The following GPC6 variants were observed in gnomAD, a reference collection of about 807,000 sequenced individuals.
GPC6 encodes glypican 6.
In GPC6, 14 loss-of-function variants were observed where a neutral mutation model predicts 55.2. That is an observed-to-expected ratio of 0.25 (90% CI 0.17 to 0.40). The LOEUF (loss-of-function observed/expected upper bound fraction) is 0.40, where lower values mean the gene tolerates loss of function less well. Among genes scored for constraint, GPC6 ranks in the 10% least tolerant of loss-of-function variants. The probability of loss-of-function intolerance (pLI) is 1.00; values close to 1 mark genes in which losing one functional copy is unlikely to be tolerated. For synonymous variants in GPC6, 278 were observed against 259.6 expected (o/e 1.07, Z -0.68); for missense variants, 641 against 708.5 (o/e 0.90, Z 1.08).
intron 1 of GPC6, among the ~76,000 whole-genome samples, chr13:93,386,732 T>C (rs903691155): frequency 1.3e-5 from 2 of 152,142 alleles, no homozygotes. Context: ...CATCAGGAAT[T>C]TATTCTCTCA....
chr13:93,634,987 G>A (rs1450638715), intron 2 of GPC6, among the ~76,000 whole-genome samples: 1 of 152,088 alleles, frequency 6.6e-6, no homozygotes, highest in Non-Finnish European at 1.5e-5. Context: ...AGAGCTGAAG[G>A]GAAGCTGCTT....
At chr13:93,310,101 G>A (rs998778274) in intron 1 of GPC6, among the ~76,000 whole-genome samples, 8 of 152,194 alleles carry the variant, frequency 5.3e-5, no homozygotes, top group African/African-American at 1.9e-4. Flanking sequence ...ATTTCACACA[G>A]TCTCATAGAA....
chr13:93,447,401 G>C (rs909975734), intron 1 of GPC6, among the ~76,000 whole-genome samples: 7 of 152,114 alleles, frequency 4.6e-5, no homozygotes, highest in Admixed American at 3.3e-4. Flanking sequence ...GTGCACAGAA[G>C]TTTTTTAGAG....
intron 3 of GPC6, among the ~76,000 whole-genome samples, chr13:93,967,523 A>C (rs1880100943): frequency 6.6e-6 from 1 of 152,132 alleles, no homozygotes; most frequent in South Asian, 2.1e-4. Flanking sequence ...ACCATCCTCA[A>C]GCACAAGTAG....
At chr13:93,702,344 A>C (rs1882699529) in intron 2 of GPC6, among the ~76,000 whole-genome samples, 1 of 151,970 alleles carries the variant, frequency 6.6e-6, no homozygotes, top group Admixed American at 6.6e-5. Flanking sequence ...TATTCAGTTA[A>C]CCGTGCTCTA....
At chr13:94,002,223 AGTTAGAAAGAAACCT>A (rs1401204435) in intron 3 of GPC6, among the ~76,000 whole-genome samples, 1 of 152,112 alleles carries the variant, frequency 6.6e-6, no homozygotes, top group African/African-American at 2.4e-5. Flanking sequence ...CAGAGCCTAT[AGTTAGAAAGAAACCT>A]GTCTAAAATT....
intron 3 of GPC6, among the ~76,000 whole-genome samples, chr13:93,884,386 C>T (rs1014138202): frequency 1.3e-5 from 2 of 152,048 alleles, no homozygotes; most frequent in Non-Finnish European, 2.9e-5. Flanking sequence ...TACCATAATG[C>T]ATTCCTTCAA....
chr13:93,644,828 A>G (rs1880106915), intron 2 of GPC6, among the ~76,000 whole-genome samples: 1 of 152,004 alleles, frequency 6.6e-6, no homozygotes, highest in Non-Finnish European at 1.5e-5. Context: ...CCATAAACTG[A>G]CATTTTATTC....
chr13:93,758,026 C>A, intron 2 of GPC6, among the ~76,000 whole-genome samples: 1 of 149,804 alleles, frequency 6.7e-6, no homozygotes, highest in East Asian at 1.9e-4. Context: ...CATATTTTCC[C>A]ATTTTTTCCT....
At chr13:93,943,802 A>C (rs1245229484) in intron 3 of GPC6, among the ~76,000 whole-genome samples, 1 of 152,188 alleles carries the variant, frequency 6.6e-6, no homozygotes, top group Admixed American at 6.5e-5. Flanking sequence ...CACTCTTTTT[A>C]AGGGTGATTT....
intron 2 of GPC6, among the ~76,000 whole-genome samples, chr13:93,762,582 A>G (rs978344945): frequency 6.6e-6 from 1 of 152,220 alleles, no homozygotes; most frequent in African/African-American, 2.4e-5. Flanking sequence ...CAAAGCATGC[A>G]GTAGAGTGGG....
intron 2 of GPC6, among the ~76,000 whole-genome samples, chr13:93,656,433 C>T (rs956157758): frequency 6.6e-6 from 1 of 152,114 alleles, no homozygotes; most frequent in African/African-American, 2.4e-5. Flanking sequence ...CTCTCCTATA[C>T]CTGGACCATT....
At chr13:93,488,834 A>G (rs944930862) in intron 1 of GPC6, among the ~76,000 whole-genome samples, 1 of 151,778 alleles carries the variant, frequency 6.6e-6, no homozygotes, top group African/African-American at 2.4e-5. Flanking sequence ...TTTTTCTTGT[A>G]CGTGTGTTTG....
intron 4 of GPC6, among the ~76,000 whole-genome samples, chr13:94,181,929 A>T (rs1363532234): frequency 6.6e-6 from 1 of 152,196 alleles, no homozygotes; most frequent in Non-Finnish European, 1.5e-5. Context: ...CATAGTTCTT[A>T]CTTTTCTGAT....
upstream of GPC6, among the ~76,000 whole-genome samples, chr13:93,223,819 T>C (rs1330323141): frequency 6.6e-6 from 1 of 152,042 alleles, no homozygotes; most frequent in Non-Finnish European, 1.5e-5. Flanking sequence ...GCCAATCCTT[T>C]CCTCAGAATC....
At chr13:93,402,810 T>A (rs938590974) in intron 1 of GPC6, among the ~76,000 whole-genome samples, 1 of 152,178 alleles carries the variant, frequency 6.6e-6, no homozygotes, top group East Asian at 1.9e-4. Flanking sequence ...GCTTGCTTAT[T>A]GGACCCATTT....
intron 3 of GPC6, among the ~76,000 whole-genome samples, chr13:93,837,435 G>A (rs1406151781): frequency 6.6e-6 from 1 of 152,170 alleles, no homozygotes; most frequent in Admixed American, 6.5e-5. Context: ...TGAGATAGGT[G>A]GTTATGATAA....
chr13:94,057,108 G>T (rs1411483857), intron 4 of GPC6, among the ~76,000 whole-genome samples: 1 of 152,148 alleles, frequency 6.6e-6, no homozygotes, highest in African/African-American at 2.4e-5. Context: ...TATTCAGAAT[G>T]TGTGTTTGCC....
intron 3 of GPC6, among the ~76,000 whole-genome samples, chr13:93,953,594 A>G (rs967019103): frequency 2.6e-5 from 4 of 152,166 alleles, no homozygotes; most frequent in Admixed American, 1.3e-4. Flanking sequence ...TCAAACATCA[A>G]TTTATTTTAT....
Sources: gnomAD v4.1 joint callset for allele counts (sites outside exome capture counted in the v4.1 genomes callset) on GRCh38, gnomAD v4.1.1 for gene constraint, MANE v1.5 for transcripts, NCBI Gene and HGNC (gene_info 2026-07-23, HGNC 2026-07-21) for gene names.